Variants in RICTOR observed in about 807,000 individuals in gnomAD.
The protein encoded by RICTOR is rapamycin-insensitive companion of mTOR.
RICTOR carries 49 observed loss-of-function variants against 214.9 expected under a neutral mutation model. The observed-to-expected ratio is 0.23, with a 90% CI of 0.18 to 0.29. RICTOR has a LOEUF of 0.29. Ranked by LOEUF, RICTOR falls within the 10% of genes least tolerant of loss-of-function variation. The pLI, the probability that RICTOR is intolerant of heterozygous loss-of-function variation, is 1.00. For synonymous variants in RICTOR, 717 were observed against 711.3 expected, an observed-to-expected ratio of 1.01 and a Z score of -0.13; for missense variants, 1,625 against 2,047.0, an observed-to-expected ratio of 0.79 and a Z score of 3.98.
intron 2 of RICTOR, among the ~76,000 whole-genome samples, chr5:39,041,781 G>A (rs1332480998): frequency 1.3e-5 from 2 of 151,644 alleles, no homozygotes; most frequent in Non-Finnish European, 2.9e-5. Flanking sequence ...TAAGTTAATT[G>A]GCTATTTGTT....
Position 38,953,499 on chromosome 5 carries a change from C to T in RICTOR, c.2752G>A (p.Glu918Lys). Residue 918 changes from glutamate (E) to lysine (K), a missense_variant, in exon 28 of 38, where the codon GAA (glutamate) becomes AAA (lysine). Glu to Lys is a moderately conservative substitution (Grantham distance 56). Coordinates refer to ENST00000357387, the MANE Select transcript of RICTOR (RefSeq NM_152756.5). Reference protein sequence around the residue: ...NVRTPDLDKWEEIKKLKASLW... With the variant: ...NVRTPDLDKWKEIKKLKASLW... ...GATGCTTTCAGTTTTTTAATTTCTTCCCACTTATCCAAATCTGGTGTACGA... is the reference window on the plus strand; with the variant it reads ...GATGCTTTCAGTTTTTTAATTTCTTTCCACTTATCCAAATCTGGTGTACGA... 6.7e-7 allele frequency: 1 copy of T among 1,502,652 alleles called. No homozygotes were observed. The highest frequency in any genetic ancestry group is 8.9e-7 in the Non-Finnish European group (1 of 1,120,932). 93.1% of individuals were successfully genotyped at this position (1,502,652 alleles called of 1,614,324 possible).
In RICTOR at chr5:38,967,198, A is replaced by G; in HGVS notation, c.1181T>C (p.Leu394Pro). The change falls in exon 14 of 38, where the codon CTG (leucine) becomes CCG (proline). Residue 394 changes from leucine (L) to proline (P), a missense_variant. This residue lies in a region of RICTOR where 1,214 missense variants were observed against 1,470.5 expected (regional missense o/e 0.83). Coordinates refer to ENST00000357387, the MANE Select transcript of RICTOR (RefSeq NM_152756.5). ...ATTACGAATAAATGCAGAGAGTATC[A>G]GTGCCAAATAATTATCCATGAGGTC... is the stretch of plus-strand genomic sequence containing the variant. ...RPDLMDNYLALILSAFIRNGL... is the reference protein window; with the variant it reads ...RPDLMDNYLAPILSAFIRNGL... 1 of 1,612,514 alleles carries G rather than the reference A, an allele frequency of 6.2e-7. No homozygotes were observed. The highest frequency in any genetic ancestry group is 8.5e-7 in the Non-Finnish European group (1 of 1,178,486).
In RICTOR at chr5:38,958,658, A is replaced by T; in HGVS notation, c.2343+9T>A. 6.3e-7 allele frequency: 1 copy of T among 1,578,940 alleles called. No individual in the cohort carries two copies. Among genetic ancestry groups the T allele is most frequent in the Non-Finnish European group, 8.6e-7 (1 of 1,166,028 alleles). On this transcript the variant is annotated intron_variant, in intron 23 of 37. Coordinates refer to ENST00000357387, the MANE Select transcript of RICTOR (RefSeq NM_152756.5). Reference sequence around the variant, plus strand: ...TTTAAGTATTAAATTATAAAAAATGAACCTTTACCTTGTCTTCACATGCTT... The same window carrying T: ...TTTAAGTATTAAATTATAAAAAATGTACCTTTACCTTGTCTTCACATGCTT...
At chr5:39,005,866 C>A (rs750072489) in intron 3 of RICTOR, among the ~76,000 whole-genome samples, 1 of 152,212 alleles carries the variant, frequency 6.6e-6, no homozygotes, top group Non-Finnish European at 1.5e-5. Flanking sequence ...GAAGTTTCAA[C>A]TGAAAGCTTA....
At chr5:38,992,394 G>GA (rs565626117) in intron 6 of RICTOR, among the ~76,000 whole-genome samples, 3 of 152,008 alleles carry the variant, frequency 2.0e-5, no homozygotes, top group Non-Finnish European at 4.4e-5. Context: ...GAGCTTATGA[G>GA]AAAATTTCTC....
intron 2 of RICTOR, among the ~76,000 whole-genome samples, chr5:39,029,567 T>C (rs190015730): frequency 1.1e-4 from 17 of 152,112 alleles, no homozygotes; most frequent in African/African-American, 1.2e-4. Flanking sequence ...CAAGTACCTA[T>C]AGTAAATTAA....
At chr5:39,071,853 A>C (rs1759349075) in intron 2 of RICTOR, among the ~76,000 whole-genome samples, 1 of 152,234 alleles carries the variant, frequency 6.6e-6, no homozygotes, top group South Asian at 2.1e-4. Context: ...TAAACAAAAA[A>C]ATTTTTGGTT....
intron 2 of RICTOR, among the ~76,000 whole-genome samples, chr5:39,038,538 T>C (rs1237538279): frequency 1.3e-5 from 2 of 152,202 alleles, no homozygotes; most frequent in Non-Finnish European, 2.9e-5. Flanking sequence ...CTGTCCCTGT[T>C]TGCAGATGAT....
At chr5:38,968,182 T>C (rs1218285855) in intron 11 of RICTOR, 152 bp from the exon 12 acceptor site, 11 of 591,976 alleles carry the variant, frequency 1.9e-5, no homozygotes, top group Non-Finnish European at 3.1e-5. Flanking sequence ...ATGGACCATA[T>C]ATACGATGGT....
In RICTOR at chr5:38,945,503, A is replaced by G. The variant is rs767169815; in HGVS notation, c.4621T>C (p.Cys1541Arg). The change falls in exon 34 of 38, where the codon TGT becomes CGT. Residue 1541 changes from cysteine to arginine, a missense_variant. By Grantham distance (180) the Cys-to-Arg change is radical (BLOSUM62 -3). Coordinates refer to ENST00000357387, the MANE Select transcript of RICTOR (RefSeq NM_152756.5). The part of the protein sequence containing the change: ...FQPSNQLSAI[C>R]SHSDFQDIPY... ...CGTGATCACTTACCTGAATGACTAC[A>G]TATTGCACTCAGTTGGTTGCTGGGC... The G allele has an allele frequency of 1.2e-6, 2 of 1,609,654 alleles. No individual in the cohort carries two copies. Among genetic ancestry groups the G allele is most frequent in the Non-Finnish European group, 1.7e-6 (2 of 1,175,940 alleles).
intron 3 of RICTOR, among the ~76,000 whole-genome samples, chr5:39,010,399 C>A (rs1754414635): frequency 6.6e-6 from 1 of 152,120 alleles, no homozygotes; most frequent in Non-Finnish European, 1.5e-5. Context: ...TGAGAACAGA[C>A]TAACACAGTA....
chr5:39,067,787 C>T lies in RICTOR; in HGVS notation c.97+6324G>A, dbSNP rs554366654. On this transcript the variant is annotated intron_variant, in intron 2 of 37. Coordinates refer to ENST00000357387, the MANE Select transcript of RICTOR (RefSeq NM_152756.5). Reference sequence around the variant, plus strand: ...CCAAAATGACTTCTCCATTTTATGGCACCATCAATTTCATTGTCCCTTAGG... The same window carrying T: ...CCAAAATGACTTCTCCATTTTATGGTACCATCAATTTCATTGTCCCTTAGG... Among the ~76,000 whole-genome samples the T allele has an allele frequency of 9.8e-5, 15 of 152,306 alleles. No homozygotes were observed. In the South Asian group the frequency reaches 2.9e-3, roughly 29 times the overall value.
At chr5:38,996,376 G>A (rs1413511557) in intron 6 of RICTOR, among the ~76,000 whole-genome samples, 1 of 152,150 alleles carries the variant, frequency 6.6e-6, no homozygotes, top group African/African-American at 2.4e-5. Flanking sequence ...GGCCTGAATT[G>A]TTTATTGCAA....
rs183204691 is a variant in RICTOR, at chr5:38,983,307, G to A, written c.584-1271C>T. Reference sequence around the variant, plus strand: ...TTGCTTTTTCTAATTACTGATTATTGTTGAAACACAAAAATCTGTCAAATC... The same window carrying A: ...TTGCTTTTTCTAATTACTGATTATTATTGAAACACAAAAATCTGTCAAATC... On this transcript the variant is annotated intron_variant, in intron 7 of 37. Coordinates refer to ENST00000357387, the MANE Select transcript of RICTOR (RefSeq NM_152756.5). Among the ~76,000 whole-genome samples, 155 of 151,896 alleles carry A rather than the reference G, an allele frequency of 1.0e-3. 1 individual carries two copies. In the Middle Eastern group the frequency reaches 0.01, roughly 10 times the overall value.
chr5:38,985,729 A>C (rs1207586054), intron 7 of RICTOR, among the ~76,000 whole-genome samples: 8 of 147,830 alleles, frequency 5.4e-5, no homozygotes, highest in African/African-American at 1.8e-4. Context: ...GGAGTCTCGC[A>C]CTGTCACCCA....
Position 39,003,630 on chromosome 5 carries a change from A to T in RICTOR, c.196-8T>A. 6.3e-7 allele frequency: 1 copy of T among 1,592,632 alleles called. No homozygotes were observed. On this transcript the variant is annotated splice_region_variant and splice_polypyrimidine_tract_variant and intron_variant, in intron 3 of 37. Coordinates refer to ENST00000357387, the MANE Select transcript of RICTOR (RefSeq NM_152756.5). ...GCCAATATCACAAAGAAGCTGTCAGAAAAACAAAATAAGTGTGCATTTATG... is the reference window on the plus strand; with the variant it reads ...GCCAATATCACAAAGAAGCTGTCAGTAAAACAAAATAAGTGTGCATTTATG...
At chr5:39,067,521 TTTC>T (rs1450994729) in intron 2 of RICTOR, among the ~76,000 whole-genome samples, 1 of 152,192 alleles carries the variant, frequency 6.6e-6, no homozygotes, top group East Asian at 1.9e-4. Flanking sequence ...TATTGACTCC[TTTC>T]TTCTTATTGA....
chr5:38,966,491 C>T, intron 15 of RICTOR, 150 bp downstream of exon 15: 2 of 605,344 alleles, frequency 3.3e-6, no homozygotes, highest in South Asian at 4.2e-5. Context: ...GGATACAGTA[C>T]CAAGGGCTTT....
chr5:39,039,875 T>A (rs1435694134), intron 2 of RICTOR, among the ~76,000 whole-genome samples: 1 of 152,026 alleles, frequency 6.6e-6, no homozygotes, highest in East Asian at 1.9e-4. Context: ...GGTGGGACTG[T>A]AAACTAGTTC....
Sources: allele counts gnomAD v4.1 joint callset (sites outside exome capture counted in the v4.1 genomes callset), GRCh38; gene constraint gnomAD v4.1.1; regional missense constraint gnomAD v4.1.1; transcripts MANE v1.5; gene names NCBI Gene and HGNC (gene_info 2026-07-23, HGNC 2026-07-21).